The following WASHC5 variants were observed in gnomAD, a reference collection of about 807,000 sequenced individuals.
The protein encoded by WASHC5 is WASH complex subunit strumpellin.
Under a neutral mutation model 150.4 loss-of-function variants are expected in WASHC5, and 101 were observed. The observed-to-expected ratio is 0.67, with a 90% CI of 0.57 to 0.79. The LOEUF is 0.79. Among genes scored for constraint, WASHC5 ranks in the 30% least tolerant of loss-of-function variants. WASHC5 has a pLI of 0.00. For missense variants in WASHC5, 1,195 were observed against 1,396.3 expected, an observed-to-expected ratio of 0.86 and a Z score of 2.30; for synonymous variants, 467 against 491.2, an observed-to-expected ratio of 0.95 and a Z score of 0.65.
chr8:125,081,237 T>C (rs1038749824), intron 5 of WASHC5, among the ~76,000 whole-genome samples: 1 of 85,970 alleles, frequency 1.2e-5, no homozygotes. Flanking sequence ...AGAATCTTAC[T>C]TTTTTTTTTT....
At chr8:125,057,013 C>T (rs1348108261) in intron 15 of WASHC5, among the ~76,000 whole-genome samples, 196 bp from the exon 16 acceptor site, 2 of 152,180 alleles carry the variant, frequency 1.3e-5, no homozygotes, top group African/African-American at 2.4e-5. Context: ...GCTAATCCTT[C>T]TAAAAATGCT....
At position 125,050,670 on chromosome 8, in the gene WASHC5, G is replaced by A. The variant is rs1816213990; in HGVS notation, c.2098-5C>T. The A allele has an allele frequency of 1.9e-6, 3 of 1,609,332 alleles. No homozygotes were observed. The highest frequency in any genetic ancestry group is 2.6e-6 in the Non-Finnish European group (3 of 1,175,810). ...CAGCAACTGCTTTGGATCCACCTAA[G>A]TGCCAATCAAAAGTATTAAATGATA... is the stretch of plus-strand genomic sequence containing the variant. On this transcript the variant is annotated splice_region_variant and splice_polypyrimidine_tract_variant and intron_variant, in intron 17 of 28. Coordinates refer to ENST00000318410, the MANE Select transcript of WASHC5 (RefSeq NM_014846.4).
intron 26 of WASHC5, among the ~76,000 whole-genome samples, chr8:125,033,581 C>CTA (rs1815606977): frequency 6.6e-6 from 1 of 150,506 alleles, no homozygotes; most frequent in African/African-American, 2.5e-5. Flanking sequence ...ACGGAGCTCA[C>CTA]TATGTCACCT....
chr8:125,028,086 G>C (rs918392367), intron 28 of WASHC5, among the ~76,000 whole-genome samples: 2 of 152,160 alleles, frequency 1.3e-5, no homozygotes, highest in African/African-American at 4.8e-5. Flanking sequence ...GCTGAAAGTT[G>C]TATTTTTCAG....
chr8:125,080,694 A>G (rs991240322), intron 5 of WASHC5, among the ~76,000 whole-genome samples: 2 of 152,208 alleles, frequency 1.3e-5, no homozygotes, highest in African/African-American at 4.8e-5. Context: ...CATTCAACCA[A>G]TTGAAAATCT....
intron 5 of WASHC5, among the ~76,000 whole-genome samples, 166 bp downstream of exon 5, chr8:125,081,495 C>T (rs557907769): frequency 7.7e-4 from 118 of 152,306 alleles, no homozygotes; most frequent in Middle Eastern, 3.4e-3. Context: ...GCCTTGGCCT[C>T]CCAAAAGTGT....
intron 17 of WASHC5, 144 bp downstream of exon 17, chr8:125,055,447 A>T (rs150088624): frequency 2.8e-6 from 2 of 704,144 alleles, no homozygotes; most frequent in East Asian, 2.6e-5. Context: ...ACTAAAATAA[A>T]ATAAATGAGT....
intron 1 of WASHC5, among the ~76,000 whole-genome samples, chr8:125,087,281 T>G (rs1279832965): frequency 2.0e-5 from 3 of 152,208 alleles, no homozygotes; most frequent in African/African-American, 7.2e-5. Context: ...TTTCCTCCAA[T>G]CCCCATCTTT....
chr8:125,065,818 T>C (rs1198047501), intron 10 of WASHC5, among the ~76,000 whole-genome samples: 3 of 152,100 alleles, frequency 2.0e-5, no homozygotes, highest in Admixed American at 2.0e-4. Context: ...GGTTTTGCTA[T>C]GTTGGCCAGA....
chr8:125,082,691 T>C (rs1192683763), intron 3 of WASHC5, among the ~76,000 whole-genome samples: 1 of 152,192 alleles, frequency 6.6e-6, no homozygotes, highest in African/African-American at 2.4e-5. Flanking sequence ...CTAGTCCTGA[T>C]TTGTGAATTA....
Position 125,044,088 on chromosome 8 carries a change from G to T in WASHC5, c.2674C>A (p.Leu892Ile). ...AGGATAATTTTCTGAAACATACTGAGGAAATTCTAAAAACAAGAAGGCACG... is the reference window on the plus strand; with the variant it reads ...AGGATAATTTTCTGAAACATACTGATGAAATTCTAAAAACAAGAAGGCACG... ...FMIVKELQNF[L>I]SMFQKIILRD... The change falls in exon 22 of 29, where the codon CTC becomes ATC. Residue 892 changes from leucine (L) to isoleucine (I), a missense_variant. Transcript: ENST00000318410. The T allele has an allele frequency of 6.2e-7, 1 of 1,606,978 alleles. No individual in the cohort carries two copies. The highest frequency in any genetic ancestry group is 2.2e-5 in the East Asian group (1 of 44,822).
intron 16 of WASHC5, 50 bp downstream of exon 16, chr8:125,056,627 T>A: frequency 6.2e-7 from 1 of 1,607,304 alleles, no homozygotes; most frequent in Non-Finnish European, 8.5e-7. Context: ...TGATATTTCA[T>A]GACTGTTAGT....
intron 1 of WASHC5, among the ~76,000 whole-genome samples, chr8:125,086,188 A>G (rs988581546): frequency 1.1e-4 from 16 of 152,140 alleles, no homozygotes; most frequent in African/African-American, 4.8e-5. Flanking sequence ...TTTTGTCACA[A>G]TTCTGGAGGC....
At chr8:125,079,008 C>T (rs1037132818) in intron 5 of WASHC5, 78 bp from the exon 6 acceptor site, 3 of 1,189,878 alleles carry the variant, frequency 2.5e-6, no homozygotes, top group African/African-American at 1.5e-5. Context: ...AAGTAGAATT[C>T]CATTCTACTT....
At chr8:125,086,014 G>A (rs1343347594) in intron 1 of WASHC5, among the ~76,000 whole-genome samples, 1 of 152,132 alleles carries the variant, frequency 6.6e-6, no homozygotes, top group East Asian at 1.9e-4. Flanking sequence ...GGTTGCCAAA[G>A]ATGGCTCCCA....
At position 125,078,166 on chromosome 8, in the gene WASHC5, A is replaced by G. The variant is rs188414015; in HGVS notation, c.711+572T>C. Among the ~76,000 whole-genome samples, 252 of 152,352 alleles carry G rather than the reference A, an allele frequency of 1.7e-3. 1 individual carries two copies. Among genetic ancestry groups the G allele is most frequent in the African/African-American group, 5.9e-3 (244 of 41,572 alleles). The stretch of plus-strand genomic sequence containing the variant: ...CGTTTTTTAAAAGGAAGTGACTACT[A>G]CACATACTGGCAAGGGGAGTGGGGC... On this transcript the variant is annotated intron_variant, in intron 6 of 28. Coordinates refer to ENST00000318410, the MANE Select transcript of WASHC5 (RefSeq NM_014846.4).
intron 10 of WASHC5, among the ~76,000 whole-genome samples, chr8:125,067,277 C>A (rs989619628): frequency 6.6e-6 from 1 of 152,294 alleles, no homozygotes; most frequent in Admixed American, 6.5e-5. Flanking sequence ...GTGGGCCTTC[C>A]AAGGTGCTGG....
intron 14 of WASHC5, among the ~76,000 whole-genome samples, chr8:125,058,886 T>C (rs1355978260): frequency 1.3e-5 from 2 of 152,098 alleles, no homozygotes; most frequent in African/African-American, 4.8e-5. Flanking sequence ...ATTTTTTGAA[T>C]GAATAAGTAA....
rs3793447 is a variant in WASHC5 at position 125,081,922 on chromosome 8, C to A, written c.418-161G>T. On this transcript the variant is annotated intron_variant, in intron 4 of 28. Coordinates refer to ENST00000318410, the MANE Select transcript of WASHC5 (RefSeq NM_014846.4). ...CTCCAAGGAGCTCTTACCTTCTTGC[C>A]GAATGGGCCTTGAAAAGTTTATGTA... Among the ~76,000 whole-genome samples the A allele has an allele frequency of 0.32, 48,303 of 152,062 alleles. 8,936 individuals carry two copies. Among genetic ancestry groups the A allele is most frequent in the African/African-American group, 0.49 (20,229 of 41,414 alleles).
Sources: allele counts gnomAD v4.1 joint callset (sites outside exome capture counted in the v4.1 genomes callset), GRCh38; gene constraint gnomAD v4.1.1; transcripts MANE v1.5; gene names NCBI Gene and HGNC (gene_info 2026-07-23, HGNC 2026-07-21).